Variants in SUGP2 observed in about 807,000 individuals in gnomAD.
SUGP2 encodes the protein SURP and G-patch domain containing 2, also known as SURP and G-patch domain-containing protein 2.
Under a neutral mutation model 90.5 loss-of-function variants are expected in SUGP2, and 24 were observed. That is an observed-to-expected ratio of 0.27 (90% CI 0.19 to 0.37). The LOEUF is 0.37. SUGP2 is among the 10% of genes least tolerant of loss of function. The pLI is 1.00. For synonymous variants in SUGP2, 473 were observed against 513.4 expected, an observed-to-expected ratio of 0.92 and a Z score of 1.06; for missense variants, 1,233 against 1,363.3, an observed-to-expected ratio of 0.90 and a Z score of 1.51.
intron 2 of SUGP2, among the ~76,000 whole-genome samples, chr19:19,027,829 G>C (rs754458185): frequency 6.6e-6 from 1 of 152,120 alleles, no homozygotes; most frequent in Admixed American, 6.5e-5. Context: ...GTAGAGACAG[G>C]GTTTCACCAC....
At chr19:19,020,495 G>C (rs1366522289) in intron 3 of SUGP2, among the ~76,000 whole-genome samples, 1 of 149,756 alleles carries the variant, frequency 6.7e-6, no homozygotes, top group Non-Finnish European at 1.5e-5. Flanking sequence ...CCAGGCTGGA[G>C]TGCAGTGGTC....
chr19:19,013,361 G>A (rs549159649), intron 4 of SUGP2, among the ~76,000 whole-genome samples: 6 of 152,122 alleles, frequency 3.9e-5, no homozygotes, highest in Non-Finnish European at 2.9e-5. Flanking sequence ...TTTTGGTAGC[G>A]TTCACCTGCT....
At chr19:19,005,788 C>T (rs1244559776) in intron 6 of SUGP2, among the ~76,000 whole-genome samples, 2 of 151,210 alleles carry the variant, frequency 1.3e-5, no homozygotes, top group Admixed American at 6.6e-5. Context: ...AATCTTCCTA[C>T]ATCAGCCACC....
Position 19,026,052 on chromosome 19 carries a change from T to C in SUGP2, c.296A>G (p.Asp99Gly). The change falls in exon 3 of 11, where the codon GAT (aspartate) becomes GGT (glycine). Residue 99 changes from aspartate (D) to glycine (G), a missense_variant. By Grantham distance (94) the Asp-to-Gly change is moderately conservative. Around this residue, in one of 8 missense-constraint regions of SUGP2, gnomAD observed 418 missense variants for 399.9 expected, o/e 1.05. Transcript: ENST00000452918. ...ACATTCTTTGCGAAAGTAGCTGTCA[T>C]CACTGATGGAAGGGTTGCTTGATCT... The part of the protein sequence containing the change: ...SFRSSNPSIS[D>G]DSYFRKECGR... 2 of 1,614,034 alleles carry C rather than the reference T, an allele frequency of 1.2e-6. No individual in the cohort carries two copies.
At position 19,026,145 on chromosome 19, in the gene SUGP2, G is replaced by A; in HGVS notation, c.203C>T (p.Ser68Phe). Residue 68 changes from serine (S) to phenylalanine (F), a missense_variant, in exon 3 of 11, where the codon TCT becomes TTT. Coordinates refer to ENST00000452918, the MANE Select transcript of SUGP2 (RefSeq NM_001017392.5). ...TCCGGCATCTCTAGAGTGAGCTACA[G>A]ATCCACTGAGGGAGTATCTGCCATC... ...HSDGRYSLSG[S>F]VAHSRDAGRE... 6.2e-7 allele frequency: 1 copy of A among 1,613,932 alleles called. No homozygotes were observed. The highest frequency in any genetic ancestry group is 8.5e-7 in the Non-Finnish European group (1 of 1,179,986).
chr19:19,020,648 G>A (rs936180369), intron 3 of SUGP2, among the ~76,000 whole-genome samples: 62 of 151,506 alleles, frequency 4.1e-4, no homozygotes, highest in African/African-American at 1.5e-3. Context: ...ACATTGCTCA[G>A]GCTGGTCTCC....
At chr19:19,031,479 G>C (rs1451688068) in intron 1 of SUGP2, among the ~76,000 whole-genome samples, 1 of 150,854 alleles carries the variant, frequency 6.6e-6, no homozygotes, top group Non-Finnish European at 1.5e-5. Context: ...GGTTGCAGTG[G>C]GCCGAGATCA....
upstream of SUGP2, chr19:19,033,568 C>A: frequency 1.6e-6 from 2 of 1,242,032 alleles, no homozygotes; most frequent in South Asian, 5.5e-5. Context: ...AGGCGCAAGC[C>A]GCCGCCGAGT....
At chr19:18,997,567 G>A (rs540620532) in intron 8 of SUGP2, among the ~76,000 whole-genome samples, 15 of 152,156 alleles carry the variant, frequency 9.9e-5, no homozygotes, top group African/African-American at 3.1e-4. Context: ...CGTGGATCAC[G>A]ATGTCAGGAG....
chr19:19,007,706 T>C (rs1176035462), intron 6 of SUGP2, among the ~76,000 whole-genome samples: 1 of 149,434 alleles, frequency 6.7e-6, no homozygotes, highest in Non-Finnish European at 1.5e-5. Context: ...TCCACCCGCC[T>C]CAGCCTCCCA....
At chr19:19,020,104 A>G (rs2058665830) in intron 3 of SUGP2, among the ~76,000 whole-genome samples, 1 of 151,386 alleles carries the variant, frequency 6.6e-6, no homozygotes, top group Non-Finnish European at 1.5e-5. Flanking sequence ...CCCAAATTAC[A>G]TGTTCACAGA....
chr19:19,027,648 GAGAC>G (rs1439119676), intron 2 of SUGP2, among the ~76,000 whole-genome samples: 2 of 137,982 alleles, frequency 1.4e-5, no homozygotes, highest in African/African-American at 5.4e-5. Context: ...TTTTTTTTTT[GAGAC>G]AGAGTCTCGC....
chr19:19,024,996 T>C lies in SUGP2; in HGVS notation c.1352A>G (p.Glu451Gly), dbSNP rs1211923179. 1.2e-6 allele frequency: 2 copies of C among 1,614,044 alleles called. No homozygotes were observed. Among genetic ancestry groups the C allele is most frequent in the Non-Finnish European group, 8.5e-7 (1 of 1,180,022 alleles). Reference sequence around the variant, plus strand: ...GAGGGTCTTCATCTTGACACTTAGCTCGTAGGCATTGCAGGCCATAAGCAA... The same window carrying C: ...GAGGGTCTTCATCTTGACACTTAGCCCGTAGGCATTGCAGGCCATAAGCAA... ...TPLLMACNAY[E>G]LSVKMKTLSN... The change falls in exon 3 of 11, where the codon GAG becomes GGG. Residue 451 changes from glutamate to glycine, a missense_variant. Physicochemically the swap from Glu to Gly is moderately conservative, Grantham distance 98. Coordinates refer to ENST00000452918, the MANE Select transcript of SUGP2 (RefSeq NM_001017392.5).
chr19:19,014,085 C>T (rs1357892900), intron 4 of SUGP2, among the ~76,000 whole-genome samples: 1 of 152,190 alleles, frequency 6.6e-6, no homozygotes, highest in Non-Finnish European at 1.5e-5. Context: ...CCTCTGCCTC[C>T]TGGGTTCAAG....
chr19:19,024,210 A>G (rs1411105937), intron 3 of SUGP2, among the ~76,000 whole-genome samples: 3 of 152,162 alleles, frequency 2.0e-5, no homozygotes, highest in Non-Finnish European at 4.4e-5. Context: ...CCCAGGTCCA[A>G]GTGGATTCTC....
intron 2 of SUGP2, among the ~76,000 whole-genome samples, chr19:19,029,836 G>T (rs533995918): frequency 6.6e-6 from 1 of 151,906 alleles, no homozygotes; most frequent in Non-Finnish European, 1.5e-5. Flanking sequence ...TCAGCTACTC[G>T]GGAGGCTGAG....
At position 19,024,718 on chromosome 19, in the gene SUGP2, C is replaced by T. The variant is rs765377573; in HGVS notation, c.1630G>A (p.Val544Ile). Reference sequence around the variant, plus strand: ...ATCGGCTCTGGTTCGGCTTTCTTAACCTGGAGGGGACATCCGCTGCTGACT... The same window carrying T: ...ATCGGCTCTGGTTCGGCTTTCTTAATCTGGAGGGGACATCCGCTGCTGACT... ...WLVSSGCPLQ[V>I]KKAEPEPMRE... The change falls in exon 3 of 11, where the codon GTT becomes ATT. Residue 544 changes from valine (V) to isoleucine (I), a missense_variant. Around this residue, in one of 8 missense-constraint regions of SUGP2, gnomAD observed 540 missense variants for 542.6 expected, o/e 1.00. Coordinates refer to ENST00000452918, the MANE Select transcript of SUGP2 (RefSeq NM_001017392.5). 2.7e-5 allele frequency: 44 copies of T among 1,614,066 alleles called. No homozygotes were observed. Among genetic ancestry groups the T allele is most frequent in the Middle Eastern group, 1.6e-4 (1 of 6,084 alleles).
chr19:19,030,682 A>G (rs961313322), intron 2 of SUGP2, among the ~76,000 whole-genome samples: 4 of 152,176 alleles, frequency 2.6e-5, no homozygotes, highest in African/African-American at 9.7e-5. Context: ...GCACTCTGGG[A>G]GGCAGAGATG....
At chr19:19,001,841 T>C (rs1214557223) in intron 7 of SUGP2, among the ~76,000 whole-genome samples, 167 bp from the exon 8 acceptor site, 3 of 152,100 alleles carry the variant, frequency 2.0e-5, no homozygotes, top group Non-Finnish European at 4.4e-5. Context: ...AGAATGAACA[T>C]GTATGACCCC....
Sources: allele counts gnomAD v4.1 joint callset (sites outside exome capture counted in the v4.1 genomes callset), GRCh38; gene constraint gnomAD v4.1.1; regional missense constraint gnomAD v4.1.1; transcripts MANE v1.5; gene names NCBI Gene and HGNC (gene_info 2026-07-23, HGNC 2026-07-21).